Variants in ITIH2 observed in about 807,000 individuals in gnomAD.
ITIH2 encodes the protein inter-alpha-trypsin inhibitor heavy chain 2.
A neutral mutation model predicts 104.4 loss-of-function variants in ITIH2; 103 were observed. The ratio of observed to expected loss-of-function variants is 0.99; its 90% CI spans 0.84 to 1.16. The LOEUF is 1.16. Ranked by LOEUF, ITIH2 falls within the 50% of genes most tolerant of loss-of-function variation. The pLI is 0.00. For synonymous variants in ITIH2, 436 were observed against 435.4 expected (o/e 1.00, Z -0.02); for missense variants, 1,108 against 1,162.4 (o/e 0.95, Z 0.68).
rs143725175 is a variant in ITIH2 at position 7,744,260 on chromosome 10, G to A, written c.2388G>A (p.Thr796=). ...SSTFSLSWSD[T]AQVTNQRVQI... ...CATTCTCCTTGTCCTGGTCCGACAC[G>A]GCTCAAGTCACGAATCAGAGGCAAG... The change falls in exon 18 of 21, where the codon ACG becomes ACA. Residue 796 remains threonine (T), a synonymous_variant. Coordinates refer to ENST00000358415, the MANE Select transcript of ITIH2 (RefSeq NM_002216.3). The A allele has an allele frequency of 7.1e-5, 114 of 1,613,840 alleles. No individual in the cohort carries two copies. The African/African-American group carries it at 7.5e-4, about 11-fold the overall frequency.
At chr10:7,738,904 T>C in intron 16 of ITIH2, 146 bp downstream of exon 16, 1 of 674,332 alleles carries the variant, frequency 1.5e-6, no homozygotes, top group Admixed American at 3.1e-5. Context: ...CCTGTTTTTC[T>C]ATAGAAATAC....
At chr10:7,744,684 C>G in intron 18 of ITIH2, 107 bp from the exon 19 acceptor site, 1 of 885,972 alleles carries the variant, frequency 1.1e-6, no homozygotes, top group Admixed American at 2.9e-5. Context: ...AGATAACTAG[C>G]GGAATTGTCT....
chr10:7,734,723 A>G (rs1835035931), intron 14 of ITIH2, among the ~76,000 whole-genome samples, 199 bp from the exon 15 acceptor site: 1 of 152,164 alleles, frequency 6.6e-6, no homozygotes. Context: ...AAATAAGTAA[A>G]TAAATAATGC....
Position 7,727,732 on chromosome 10 carries a change from G to A in ITIH2, c.1183G>A (p.Ala395Thr). Residue 395 changes from alanine (A) to threonine (T), a missense_variant, in exon 11 of 21, where the codon GCA becomes ACA. Coordinates refer to ENST00000358415, the MANE Select transcript of ITIH2 (RefSeq NM_002216.3). ...GTNINEALLR[A>T]IFILNEANNL... is the part of the protein sequence containing the mutation. ...AAACATCAACGAAGCACTCCTACGG[G>A]CAATCTTCATTTTGAATGAAGCCAA... is the stretch of plus-strand genomic sequence containing the variant. 2 of 1,614,088 alleles carry A rather than the reference G, an allele frequency of 1.2e-6. No homozygotes were observed. Among genetic ancestry groups the A allele is most frequent in the Non-Finnish European group, 1.7e-6 (2 of 1,179,976 alleles).
intron 15 of ITIH2, among the ~76,000 whole-genome samples, chr10:7,737,364 C>CATATATACATATATG (rs1421750706): frequency 7.0e-6 from 1 of 142,460 alleles, no homozygotes; most frequent in Non-Finnish European, 1.5e-5. Flanking sequence ...TCTACCGAAA[C>CATATATACATATATG]ATATATACAT....
Position 7,727,090 on chromosome 10 carries a change from G to A in ITIH2, c.1125G>A (p.Arg375=), listed in dbSNP as rs750359604. ...ATKTQVADAK[R]YIEKIQPSGG... is the part of the protein sequence containing the mutation. ...AAACACAGGTTGCAGATGCCAAGAG[G>A]TATATTGAGAAAATCCAGCCCAGTG... The change falls in exon 10 of 21, where the codon AGG becomes AGA. Residue 375 remains arginine, a synonymous_variant. Coordinates refer to ENST00000358415, the MANE Select transcript of ITIH2 (RefSeq NM_002216.3). 2 of 1,614,104 alleles carry A rather than the reference G, an allele frequency of 1.2e-6. No individual in the cohort carries two copies. Among genetic ancestry groups the A allele is most frequent in the Admixed American group, 1.7e-5 (1 of 60,028 alleles).
At chr10:7,709,262 G>C in intron 4 of ITIH2, 71 bp downstream of exon 4, 5 of 1,415,584 alleles carry the variant, frequency 3.5e-6, no homozygotes, top group Non-Finnish European at 5.0e-6. Context: ...CTCATAGTTA[G>C]AATGGACTTT....
intron 2 of ITIH2, 66 bp from the exon 3 acceptor site, chr10:7,707,135 G>A (rs572668508): frequency 6.1e-5 from 68 of 1,117,778 alleles, no homozygotes; most frequent in Middle Eastern, 6.1e-4. Context: ...CTGAGAAAAC[G>A]GTTTTGGCTC....
In ITIH2 at chr10:7,738,647, G is replaced by A. The variant is rs146868301; in HGVS notation, c.1984G>A (p.Val662Ile). Reference protein sequence around the residue: ...SGALYYGSKVVPDSTPSWANP... With the variant: ...SGALYYGSKVIPDSTPSWANP... ...GGCCCTGTATTACGGCAGCAAAGTG[G>A]TTCCAGATTCCACCCCGTCTTGGGC... The change falls in exon 16 of 21, where the codon GTT (valine) becomes ATT (isoleucine). Residue 662 changes from valine (V) to isoleucine (I), a missense_variant. Transcript: ENST00000358415. The A allele has an allele frequency of 1.2e-6, 2 of 1,613,972 alleles. No individual in the cohort carries two copies. The highest frequency in any genetic ancestry group is 1.7e-5 in the Admixed American group (1 of 59,996).
At chr10:7,746,418 A>G (rs1440264374) in intron 19 of ITIH2, among the ~76,000 whole-genome samples, 175 bp from the exon 20 acceptor site, 1 of 152,108 alleles carries the variant, frequency 6.6e-6, no homozygotes, top group Admixed American at 6.6e-5. Flanking sequence ...GAGCAGCACA[A>G]ATGTGCTCCC....
chr10:7,722,754 G>T (rs6602269), intron 8 of ITIH2, among the ~76,000 whole-genome samples: 44 of 152,204 alleles, frequency 2.9e-4, no homozygotes, highest in Non-Finnish European at 5.1e-4. Context: ...CCGTCCCCTG[G>T]GTGCGCGTTA....
chr10:7,721,089 A>AT, intron 7 of ITIH2, 126 bp downstream of exon 7: 1 of 652,540 alleles, frequency 1.5e-6, no homozygotes, highest in Non-Finnish European at 2.8e-6. Flanking sequence ...AGAAATGGGG[A>AT]TCCCCAAGTA....
rs1458232466 is a variant in ITIH2 at position 7,731,938 on chromosome 10, C to T, written c.1589C>T (p.Ala530Val). The T allele has an allele frequency of 6.2e-7, 1 of 1,614,002 alleles. No homozygotes were observed. The highest frequency in any genetic ancestry group is 1.1e-5 in the South Asian group (1 of 91,070). The change falls in exon 13 of 21, where the codon GCA (alanine) becomes GTA (valine). Residue 530 changes from alanine (A) to valine (V), a missense_variant. Ala to Val is a moderately conservative substitution (Grantham distance 64). Coordinates refer to ENST00000358415, the MANE Select transcript of ITIH2 (RefSeq NM_002216.3). ...TTTGGAGGCTCAGAGATTGTGGTGG[C>T]AGGAAAATTTGACCCTGCTAAATTG... ...NYFGGSEIVV[A>V]GKFDPAKLDQ...
rs1293878446 is a variant in ITIH2 at position 7,742,407 on chromosome 10, G to A, written c.2096-739G>A. Reference sequence around the variant, plus strand: ...ATCTGTATGTCAACAATAATAGTGTGTCTCCTTTGTTTTCCTGCATTGTAT... The same window carrying A: ...ATCTGTATGTCAACAATAATAGTGTATCTCCTTTGTTTTCCTGCATTGTAT... On this transcript the variant is annotated intron_variant, in intron 16 of 20. Coordinates refer to ENST00000358415, the MANE Select transcript of ITIH2 (RefSeq NM_002216.3). Among the ~76,000 whole-genome samples, 3 of 152,102 alleles carry A rather than the reference G, an allele frequency of 2.0e-5. No individual in the cohort carries two copies. The East Asian group carries it at 5.8e-4, about 29-fold the overall frequency.
At chr10:7,737,406 C>CATATATATATATAT (rs375717121) in intron 15 of ITIH2, among the ~76,000 whole-genome samples, 53 of 121,696 alleles carry the variant, frequency 4.4e-4, no homozygotes, top group South Asian at 1.3e-3. Flanking sequence ...GTATATATCT[C>CATATATATATATAT]ATATATATAT....
chr10:7,722,313 G>A (rs553515249), intron 8 of ITIH2, among the ~76,000 whole-genome samples: 16 of 141,412 alleles, frequency 1.1e-4, no homozygotes, highest in African/African-American at 3.2e-4. Context: ...GACAGCAAGC[G>A]GAGCACACAC....
chr10:7,736,958 A>G (rs1835061037), intron 15 of ITIH2, among the ~76,000 whole-genome samples: 1 of 152,100 alleles, frequency 6.6e-6, no homozygotes, highest in Non-Finnish European at 1.5e-5. Context: ...CGTCCAAAAA[A>G]TTTTGTATAA....
chr10:7,717,867 A>C, intron 6 of ITIH2, 79 bp downstream of exon 6: 1 of 1,403,806 alleles, frequency 7.1e-7, no homozygotes, highest in Non-Finnish European at 9.9e-7. Flanking sequence ...TCTGCTTGTC[A>C]CTAGCACTTG....
intron 19 of ITIH2, among the ~76,000 whole-genome samples, chr10:7,745,530 G>T (rs1204232277): frequency 6.6e-6 from 1 of 151,972 alleles, no homozygotes; most frequent in East Asian, 2.0e-4. Context: ...TGGGCAGGTG[G>T]ATTTGCTTGT....
Sources: gnomAD v4.1 joint callset for allele counts (sites outside exome capture counted in the v4.1 genomes callset) on GRCh38, gnomAD v4.1.1 for gene constraint, MANE v1.5 for transcripts, NCBI Gene and HGNC (gene_info 2026-07-23, HGNC 2026-07-21) for gene names.